MED13L: variants seen among roughly 807,000 people sequenced by gnomAD.
The protein encoded by MED13L is mediator of RNA polymerase II transcription subunit 13-like.
MED13L carries 7 observed loss-of-function variants against 220.9 expected under a neutral mutation model. That is an observed-to-expected ratio of 0.03 (90% confidence interval 0.02 to 0.06). MED13L has a LOEUF of 0.06. MED13L is among the 10% of genes least tolerant of loss of function. The pLI is 1.00. For synonymous variants in MED13L, 1,011 were observed against 1,015.2 expected (o/e 1.00, Z 0.08); for missense variants, 1,965 against 2,760.5 (o/e 0.71, Z 6.46).
chr12:116,258,499 G>C (rs189677051), intron 1 of MED13L, among the ~76,000 whole-genome samples: 5 of 152,064 alleles, frequency 3.3e-5, no homozygotes, highest in Admixed American at 2.6e-4. Context: ...AAGAACGGCC[G>C]GACACGGTAG....
rs199767263 is a variant in MED13L at position 115,993,552 on chromosome 12, T to TA, written c.2997-1596dup. ...GCACAGTGGTATCTTTGAGTACAGA[T>TA]AAAAAAAAAAAAATGACCCAGAAAA... On this transcript the variant is annotated intron_variant, in intron 16 of 30. Coordinates refer to ENST00000281928, the MANE Select transcript of MED13L (RefSeq NM_015335.5). Among the ~76,000 whole-genome samples, 407 of 141,146 alleles carry TA rather than the reference T, an allele frequency of 2.9e-3. 2 individuals are homozygous for TA. Among genetic ancestry groups the TA allele is most frequent in the Middle Eastern group, 0.011 (3 of 278 alleles). The allele number at this position is 141,146 out of a possible 152,430, so 92.6% of individuals were successfully genotyped here. A position where few individuals can be genotyped will look rare whatever the true frequency, so the allele number is the denominator to read the frequency against.
intron 29 of MED13L, 66 bp downstream of exon 29, chr12:115,966,016 A>C: frequency 6.3e-7 from 1 of 1,575,840 alleles, no homozygotes; most frequent in South Asian, 1.1e-5. Flanking sequence ...GAAATTTCTA[A>C]CCAAAATTAA....
At chr12:116,046,372 T>A (rs1881836079) in intron 4 of MED13L, among the ~76,000 whole-genome samples, 1 of 152,028 alleles carries the variant, frequency 6.6e-6, no homozygotes, top group Non-Finnish European at 1.5e-5. Context: ...TGATACAAAA[T>A]CTAAAGCCAA....
intron 1 of MED13L, among the ~76,000 whole-genome samples, chr12:116,241,690 G>A (rs1337397937): frequency 6.6e-6 from 1 of 152,122 alleles, no homozygotes; most frequent in Non-Finnish European, 1.5e-5. Flanking sequence ...TCTTACAAAT[G>A]CAAGTGACAC....
At chr12:116,028,068 T>C (rs898575589) in intron 4 of MED13L, among the ~76,000 whole-genome samples, 8 of 152,206 alleles carry the variant, frequency 5.3e-5, no homozygotes, top group Non-Finnish European at 7.3e-5. Flanking sequence ...GTGTGCCCAA[T>C]AACACTTCTA....
At chr12:116,142,910 A>T (rs900434831) in intron 2 of MED13L, among the ~76,000 whole-genome samples, 2 of 152,212 alleles carry the variant, frequency 1.3e-5, no homozygotes, top group Non-Finnish European at 2.9e-5. Flanking sequence ...TTAGAACTCC[A>T]AGCAACCAAG....
chr12:116,014,760 C>G (rs564771810), intron 8 of MED13L, among the ~76,000 whole-genome samples: 1 of 152,204 alleles, frequency 6.6e-6, no homozygotes, highest in East Asian at 1.9e-4. Context: ...AATAGGGACG[C>G]ATTCATACAT....
chr12:116,168,883 A>C (rs993464958), intron 2 of MED13L, among the ~76,000 whole-genome samples: 21 of 152,356 alleles, frequency 1.4e-4, no homozygotes, highest in African/African-American at 4.8e-4. Context: ...AAACTAATTA[A>C]AAATTTAATA....
chr12:116,040,217 C>A (rs536534692), intron 4 of MED13L, among the ~76,000 whole-genome samples: 7 of 152,140 alleles, frequency 4.6e-5, no homozygotes, highest in Non-Finnish European at 7.4e-5. Context: ...ACACTTCCAA[C>A]GGCAGTTTAA....
intron 4 of MED13L, among the ~76,000 whole-genome samples, chr12:116,080,934 A>G (rs1871200678): frequency 1.3e-5 from 2 of 152,254 alleles, no homozygotes; most frequent in South Asian, 4.1e-4. Flanking sequence ...GCCTATAGGA[A>G]TACGAAGGTA....
Position 116,097,151 on chromosome 12 carries a change from T to A in MED13L, c.396-399A>T, listed in dbSNP as rs184885268. 7.4e-3 allele frequency among the ~76,000 whole-genome samples: 1,123 copies of A among 151,728 alleles called. 10 individuals carry two copies. The highest frequency in any genetic ancestry group is 0.026 in the African/African-American group (1,085 of 41,116). ...CATCCAAGCCACTAACACCCATCTT[T>A]CAAGTTTTTTTTTTTTGAGACAGAG... On this transcript the variant is annotated intron_variant, in intron 3 of 30. Transcript: ENST00000281928.
At chr12:116,187,540 T>C (rs543413527) in intron 2 of MED13L, among the ~76,000 whole-genome samples, 3 of 152,348 alleles carry the variant, frequency 2.0e-5, no homozygotes, top group Admixed American at 6.5e-5. Context: ...ATTTTAGTCA[T>C]ATGCTTTTAA....
At chr12:115,966,337 G>C in intron 28 of MED13L, 94 bp from the exon 29 acceptor site, 1 of 1,387,530 alleles carries the variant, frequency 7.2e-7, no homozygotes, top group Middle Eastern at 1.9e-4. Context: ...TGCAGTGAGT[G>C]ATCCCCTTTG....
At chr12:116,251,937 T>C (rs1310896679) in intron 1 of MED13L, among the ~76,000 whole-genome samples, 1 of 151,570 alleles carries the variant, frequency 6.6e-6, no homozygotes, top group Non-Finnish European at 1.5e-5. Context: ...GTACTATTAC[T>C]AGGAATAAGG....
At chr12:116,123,108 C>A (rs1182695704) in intron 2 of MED13L, among the ~76,000 whole-genome samples, 1 of 152,112 alleles carries the variant, frequency 6.6e-6, no homozygotes, top group African/African-American at 2.4e-5. Context: ...TTAATATGCT[C>A]TAGAATGCAT....
intron 2 of MED13L, among the ~76,000 whole-genome samples, chr12:116,232,734 A>G (rs1333914095): frequency 6.6e-6 from 1 of 152,190 alleles, no homozygotes; most frequent in Non-Finnish European, 1.5e-5. Context: ...TCCAGATTGC[A>G]TGTCTTTCCC....
intron 5 of MED13L, among the ~76,000 whole-genome samples, chr12:116,020,263 TATTA>T (rs375733267): frequency 1.7e-4 from 26 of 152,048 alleles, no homozygotes; most frequent in African/African-American, 6.3e-4. Flanking sequence ...TAAAATTTCT[TATTA>T]TTTATACACC....
chr12:116,012,930 G>A, intron 8 of MED13L, 29 bp from the exon 9 acceptor site: 1 of 1,481,650 alleles, frequency 6.7e-7, no homozygotes, highest in Non-Finnish European at 9.4e-7. Context: ...TGACTTATGT[G>A]TGAACATAAT....
chr12:116,156,586 G>C (rs1300516881), intron 2 of MED13L, among the ~76,000 whole-genome samples: 1 of 152,018 alleles, frequency 6.6e-6, no homozygotes, highest in African/African-American at 2.4e-5. Flanking sequence ...TGCATCAAAG[G>C]TATAAACTAC....
Sources: allele counts gnomAD v4.1 joint callset (sites outside exome capture counted in the v4.1 genomes callset), GRCh38; gene constraint gnomAD v4.1.1; transcripts MANE v1.5; gene names NCBI Gene and HGNC (gene_info 2026-07-23, HGNC 2026-07-21).